Variants in CADPS observed in about 807,000 individuals in gnomAD.
CADPS encodes the protein calcium-dependent secretion activator 1.
In CADPS, 57 loss-of-function variants were observed where a neutral mutation model predicts 167.3. The ratio of observed to expected loss-of-function variants is 0.34; its 90% CI spans 0.28 to 0.42. The LOEUF is 0.42. CADPS is among the 20% of genes least tolerant of loss of function. The probability of loss-of-function intolerance (pLI) is 1.00; values close to 1 mark genes in which losing one functional copy is unlikely to be tolerated. For synonymous variants in CADPS, 676 were observed against 635.3 expected, an observed-to-expected ratio of 1.06 and a Z score of -0.96; for missense variants, 1,414 against 1,738.1, an observed-to-expected ratio of 0.81 and a Z score of 3.32.
At chr3:62,798,045 T>C (rs949495362) in intron 1 of CADPS, among the ~76,000 whole-genome samples, 2 of 152,176 alleles carry the variant, frequency 1.3e-5, no homozygotes, top group African/African-American at 4.8e-5. Context: ...AAAGTGAGTA[T>C]GAAAGACATG....
At position 62,849,029 on chromosome 3, in the gene CADPS, T is replaced by C. The variant is rs879444931; in HGVS notation, c.441+25560A>G. On this transcript the variant is annotated intron_variant, in intron 1 of 29. Coordinates refer to ENST00000383710, the MANE Select transcript of CADPS (RefSeq NM_003716.4). ...TAAGTTGGATTCCTAGGTATTTTAT[T>C]CTCTTTGAAGCAATTGTGAATGGGA... Among the ~76,000 whole-genome samples the C allele has an allele frequency of 6.8e-3, 1,007 of 147,814 alleles. 8 individuals carry two copies. The highest frequency in any genetic ancestry group is 8.8e-3 in the Non-Finnish European group (588 of 66,670).
chr3:62,863,854 C>T (rs550113247), intron 1 of CADPS, among the ~76,000 whole-genome samples: 11 of 152,178 alleles, frequency 7.2e-5, no homozygotes, highest in African/African-American at 2.2e-4. Flanking sequence ...TATATGGTAG[C>T]GCCACTGGGT....
At chr3:62,638,385 G>A (rs530393979) in intron 6 of CADPS, among the ~76,000 whole-genome samples, 1 of 152,214 alleles carries the variant, frequency 6.6e-6, no homozygotes, top group East Asian at 1.9e-4. Flanking sequence ...AAAAAATACA[G>A]TGGCTTTTCA....
chr3:62,733,768 C>A (rs2078409957), intron 3 of CADPS, among the ~76,000 whole-genome samples: 1 of 149,484 alleles, frequency 6.7e-6, no homozygotes, highest in East Asian at 2.0e-4. Flanking sequence ...GTGGTGATTT[C>A]TGAGATGCTG....
At chr3:62,567,274 C>A (rs184784510) in intron 9 of CADPS, among the ~76,000 whole-genome samples, 1 of 152,122 alleles carries the variant, frequency 6.6e-6, no homozygotes, top group South Asian at 2.1e-4. Flanking sequence ...AGCCACTTCT[C>A]GGAGCACATG....
rs140737605 is a variant in CADPS at position 62,582,172 on chromosome 3, G to A, written c.1577+3013C>T. Among the ~76,000 whole-genome samples the A allele has an allele frequency of 2.6e-3, 395 of 152,268 alleles. 2 individuals are homozygous for A. The highest frequency in any genetic ancestry group is 4.5e-3 in the Non-Finnish European group (305 of 68,018). ...TTAAAAATTGCTTTTTCGGCAGGGC[G>A]CGGTGGCTCATGCCTGTAATCCCAG... On this transcript the variant is annotated intron_variant, in intron 8 of 29. Coordinates refer to ENST00000383710, the MANE Select transcript of CADPS (RefSeq NM_003716.4).
intron 26 of CADPS, among the ~76,000 whole-genome samples, chr3:62,463,271 C>A (rs2059585161): frequency 6.6e-6 from 1 of 152,086 alleles, no homozygotes; most frequent in East Asian, 1.9e-4. Flanking sequence ...GGGTGGGGCC[C>A]TTGGTGGATT....
rs1007846592 is a variant in CADPS at position 62,433,345 on chromosome 3, G to T, written c.3777+4759C>A. Among the ~76,000 whole-genome samples, 1 of 152,084 alleles carries T rather than the reference G, an allele frequency of 6.6e-6. No individual in the cohort carries two copies. Among genetic ancestry groups the T allele is most frequent in the Admixed American group, 6.6e-5 (1 of 15,254 alleles). On this transcript the variant is annotated intron_variant, in intron 28 of 29. Transcript: ENST00000383710. The surrounding 1 kb of genome is among the most constrained non-coding windows in gnomAD (Gnocchi z 4.7). ...AAAATGGAACAGCAAATTAAAATCC[G>T]TGCGAGGCAAAGAATACTGAGTAGC...
At chr3:62,617,191 C>A (rs1199353970) in intron 6 of CADPS, among the ~76,000 whole-genome samples, 1 of 151,970 alleles carries the variant, frequency 6.6e-6, no homozygotes, top group Non-Finnish European at 1.5e-5. Context: ...TGGTATAGTT[C>A]AAGAAATGTC....
chr3:62,852,259 C>G (rs1344767758), intron 1 of CADPS, among the ~76,000 whole-genome samples: 3 of 151,816 alleles, frequency 2.0e-5, no homozygotes, highest in Non-Finnish European at 4.4e-5. Context: ...TCGTCTGAAG[C>G]CTTCTTCTCT....
At chr3:62,563,784 A>G (rs1343977197) in intron 9 of CADPS, among the ~76,000 whole-genome samples, 1 of 152,186 alleles carries the variant, frequency 6.6e-6, no homozygotes. Context: ...GAATGAGAAC[A>G]TATGATGTTT....
intron 13 of CADPS, among the ~76,000 whole-genome samples, chr3:62,532,531 A>G (rs972746473): frequency 6.6e-6 from 1 of 152,200 alleles, no homozygotes; most frequent in African/African-American, 2.4e-5. Flanking sequence ...CCAGGGGTAT[A>G]CAATCATCCC....
chr3:62,825,111 G>A (rs2118535), intron 1 of CADPS, among the ~76,000 whole-genome samples: 18,130 of 152,090 alleles, frequency 0.12, 1,177 homozygotes, highest in Middle Eastern at 0.14. Context: ...ACAGCCTTTT[G>A]TTCTACATTG....
chr3:62,847,344 T>A (rs1395605185), intron 1 of CADPS, among the ~76,000 whole-genome samples: 22 of 137,220 alleles, frequency 1.6e-4, no homozygotes, highest in Non-Finnish European at 2.8e-4. Flanking sequence ...TAGTTACATA[T>A]GTATACATGT....
rs141562033 is a variant in CADPS at position 62,420,904 on chromosome 3, G to GCA, written c.3777+17198_3777+17199dup. On this transcript the variant is annotated intron_variant, in intron 28 of 29. Transcript: ENST00000383710. This position sits in a 1 kb window ranked among gnomAD's most constrained non-coding sequence, Gnocchi z 4.1. ...CACACACACACACACACACACACAG[G>GCA]CACACACACACACACTTGCCAGATC... 0.14 allele frequency among the ~76,000 whole-genome samples: 10,642 copies of GCA among 77,868 alleles called. 686 individuals are homozygous for GCA. Among genetic ancestry groups the GCA allele is most frequent in the East Asian group, 0.3 (1,081 of 3,656 alleles). 51.1% of individuals were successfully genotyped at this position (77,868 alleles called of 152,430 possible). A position where few individuals can be genotyped will look rare whatever the true frequency, so the allele number is the denominator to read the frequency against.
Position 62,662,290 on chromosome 3 carries a change from C to A in CADPS, c.969+24G>T, listed in dbSNP as rs779571391. 3.9e-5 allele frequency: 62 copies of A among 1,604,950 alleles called. 1 individual carries two copies. In the South Asian group the frequency reaches 6.5e-4, roughly 17 times the overall value. ...AGTGGGACTTTGGCCTGGACCCCAG[C>A]AAACAACCACAATGTTTCCTTACCC... On this transcript the variant is annotated intron_variant, in intron 4 of 29. Coordinates refer to ENST00000383710, the MANE Select transcript of CADPS (RefSeq NM_003716.4).
At chr3:62,413,703 T>C (rs2049433622) in intron 28 of CADPS, among the ~76,000 whole-genome samples, 1 of 152,192 alleles carries the variant, frequency 6.6e-6, no homozygotes. Context: ...TGAATCTATA[T>C]AATACTATTG....
In CADPS at chr3:62,733,539, A is replaced by G. The variant is rs117092676; in HGVS notation, c.888+19902T>C. Among the ~76,000 whole-genome samples, 278 of 152,296 alleles carry G rather than the reference A, an allele frequency of 1.8e-3. 10 individuals carry two copies. In the East Asian group the frequency reaches 0.045, roughly 25 times the overall value. Reference sequence around the variant, plus strand: ...GAGGTCATGAAATATATTACATTCAAACTTCAAATTTAAAAGGCACTGAAA... The same window carrying G: ...GAGGTCATGAAATATATTACATTCAGACTTCAAATTTAAAAGGCACTGAAA... On this transcript the variant is annotated intron_variant, in intron 3 of 29. Coordinates refer to ENST00000383710, the MANE Select transcript of CADPS (RefSeq NM_003716.4).
intron 28 of CADPS, among the ~76,000 whole-genome samples, chr3:62,435,709 G>A (rs886444491): frequency 2.6e-5 from 4 of 151,968 alleles, no homozygotes; most frequent in African/African-American, 7.3e-5. Context: ...TGCAGTGAGT[G>A]ATTGTAATAG....
Sources: gnomAD v4.1 joint callset for allele counts (sites outside exome capture counted in the v4.1 genomes callset) on GRCh38, gnomAD v4.1.1 for gene constraint, Gnocchi (gnomAD v3.1) non-coding constraint, MANE v1.5 for transcripts, NCBI Gene and HGNC (gene_info 2026-07-23, HGNC 2026-07-21) for gene names.